The following DMXL1 variants were observed in gnomAD, a reference collection of about 807,000 sequenced individuals.
DMXL1 encodes the protein Dmx like 1, also known as dmX-like protein 1.
DMXL1 carries 99 observed loss-of-function variants against 319.2 expected under a neutral mutation model. The ratio of observed to expected loss-of-function variants is 0.31; its 90% CI spans 0.26 to 0.37. The LOEUF (loss-of-function observed/expected upper bound fraction) is 0.37, where lower values mean the gene tolerates loss of function less well. Ranked by LOEUF, DMXL1 falls within the 10% of genes least tolerant of loss-of-function variation. The pLI, the probability that DMXL1 is intolerant of heterozygous loss-of-function variation, is 1.00. For synonymous variants in DMXL1, 1,385 were observed against 1,235.2 expected (o/e 1.12, Z -2.54); for missense variants, 3,745 against 3,595.6 (o/e 1.04, Z -1.06).
chr5:119,143,183 G>A (rs1767797319), intron 13 of DMXL1, among the ~76,000 whole-genome samples: 1 of 151,948 alleles, frequency 6.6e-6, no homozygotes, highest in African/African-American at 2.4e-5. Context: ...TGTGACATGA[G>A]TTTAGCACAC....
At chr5:119,095,457 CTT>C (rs1755722594) in intron 1 of DMXL1, among the ~76,000 whole-genome samples, 1 of 152,134 alleles carries the variant, frequency 6.6e-6, no homozygotes, top group South Asian at 2.1e-4. Context: ...TTAGTATAGA[CTT>C]GATGTGGGAA....
intron 29 of DMXL1, among the ~76,000 whole-genome samples, chr5:119,190,094 A>T (rs572119139): frequency 4.6e-5 from 7 of 152,320 alleles, no homozygotes; most frequent in African/African-American, 1.4e-4. Context: ...TTGGTAAATT[A>T]TGACATTTGC....
At chr5:119,118,017 C>G (rs1761219359) in intron 7 of DMXL1, among the ~76,000 whole-genome samples, 1 of 152,178 alleles carries the variant, frequency 6.6e-6, no homozygotes, top group Admixed American at 6.5e-5. Flanking sequence ...TTACTGAATT[C>G]CCTGATGGAA....
intron 10 of DMXL1, among the ~76,000 whole-genome samples, chr5:119,130,216 A>G (rs779572738): frequency 3.3e-5 from 5 of 152,178 alleles, no homozygotes; most frequent in African/African-American, 4.8e-5. Flanking sequence ...GTTAAGTTTG[A>G]TAAGTATCCT....
At chr5:119,137,539 C>A (rs116177954) in intron 13 of DMXL1, among the ~76,000 whole-genome samples, 61 of 152,196 alleles carry the variant, frequency 4.0e-4, no homozygotes, top group African/African-American at 1.3e-3. Context: ...AATCTCATTT[C>A]GAATTATAAT....
intron 13 of DMXL1, among the ~76,000 whole-genome samples, chr5:119,140,540 C>G (rs912945024): frequency 3.3e-5 from 5 of 152,088 alleles, no homozygotes; most frequent in South Asian, 2.1e-4. Context: ...ACATATACCC[C>G]CTCCTAAGAC....
intron 13 of DMXL1, among the ~76,000 whole-genome samples, chr5:119,135,053 A>G (rs560069268): frequency 2.6e-5 from 4 of 152,272 alleles, no homozygotes; most frequent in Non-Finnish European, 5.9e-5. Flanking sequence ...ACAGAGTTGC[A>G]TAAATGTCAG....
chr5:119,155,940 A>G (rs1404281860), intron 19 of DMXL1, among the ~76,000 whole-genome samples: 3 of 152,156 alleles, frequency 2.0e-5, no homozygotes, highest in African/African-American at 7.2e-5. Flanking sequence ...TGCAGTGAAC[A>G]TGGTTGAAAT....
intron 30 of DMXL1, 54 bp downstream of exon 30, chr5:119,194,024 A>C: frequency 3.2e-6 from 4 of 1,261,480 alleles, no homozygotes; most frequent in Non-Finnish European, 4.2e-6. Context: ...GTATATAAAT[A>C]ATATTTTTGA....
chr5:119,116,432 A>G (rs1464737162), intron 7 of DMXL1, 96 bp downstream of exon 7: 1 of 1,306,674 alleles, frequency 7.7e-7, no homozygotes, highest in African/African-American at 1.5e-5. Context: ...TAGTTACAGG[A>G]CTTCTGAGCC....
intron 9 of DMXL1, among the ~76,000 whole-genome samples, chr5:119,123,105 G>T (rs970568307): frequency 5.3e-5 from 8 of 152,206 alleles, no homozygotes; most frequent in East Asian, 1.9e-4. Flanking sequence ...GCTGGAGACC[G>T]GCCCGGCCAA....
At chr5:119,143,588 T>G (rs1767889560) in intron 13 of DMXL1, among the ~76,000 whole-genome samples, 1 of 152,060 alleles carries the variant, frequency 6.6e-6, no homozygotes, top group Non-Finnish European at 1.5e-5. Context: ...CATTTATGGA[T>G]GTAATTTTTT....
At chr5:119,178,423 A>G (rs1302559400) in intron 28 of DMXL1, among the ~76,000 whole-genome samples, 179 bp downstream of exon 28, 2 of 152,222 alleles carry the variant, frequency 1.3e-5, no homozygotes, top group East Asian at 3.8e-4. Flanking sequence ...GCAGTTTTTA[A>G]TCTTTAAGAT....
At chr5:119,077,658 G>A (rs1454728268) in intron 1 of DMXL1, among the ~76,000 whole-genome samples, 1 of 123,180 alleles carries the variant, frequency 8.1e-6, no homozygotes, top group African/African-American at 3.5e-5. Flanking sequence ...TTTTGTATAT[G>A]TGTGTGTGTA....
intron 35 of DMXL1, among the ~76,000 whole-genome samples, chr5:119,218,517 C>T (rs191627274): frequency 3.3e-5 from 5 of 152,042 alleles, no homozygotes; most frequent in African/African-American, 9.6e-5. Flanking sequence ...AGTGCAGTGG[C>T]GCGATCTTGG....
In DMXL1 at chr5:119,072,243, G is replaced by A. The variant is rs750853317; in HGVS notation, c.87+587G>A. On this transcript the variant is annotated intron_variant, in intron 1 of 43. Coordinates refer to ENST00000539542, the MANE Select transcript of DMXL1 (RefSeq NM_001290321.3). ...TTCTTGGATATTTTACAATAACCTG[G>A]TAATCCCAGGTTAAGGTTGCTTAAC... is the stretch of plus-strand genomic sequence containing the variant. 2.0e-5 allele frequency among the ~76,000 whole-genome samples: 3 copies of A among 151,944 alleles called. 1 individual carries two copies. In the South Asian group the frequency reaches 6.2e-4, roughly 32 times the overall value.
In DMXL1 at chr5:119,144,396, C is replaced by G. The variant is rs560544623; in HGVS notation, c.2467-140C>G. On this transcript the variant is annotated intron_variant, in intron 14 of 43. Transcript: ENST00000539542. ...TCATCTGTTTAATCTAATGGAGGTG[C>G]CATACGCTTACGTTCTGCTGAACTT... 2.8e-5 allele frequency: 17 copies of G among 613,064 alleles called. No homozygotes were observed. The South Asian group carries it at 3.8e-4, about 14-fold the overall frequency. 38.0% of individuals were successfully genotyped at this position (613,064 alleles called of 1,614,324 possible).
chr5:119,136,854 C>T (rs74790147), intron 13 of DMXL1, among the ~76,000 whole-genome samples: 17 of 152,334 alleles, frequency 1.1e-4, no homozygotes, highest in East Asian at 5.8e-4. Context: ...CAGAGGTCTG[C>T]GGCAGGGGCG....
intron 34 of DMXL1, among the ~76,000 whole-genome samples, chr5:119,208,593 A>T (rs35366387): frequency 6.6e-6 from 1 of 152,152 alleles, no homozygotes; most frequent in Non-Finnish European, 1.5e-5. Context: ...TTGTATTTCT[A>T]TAGTCAGCTT....
Sources: allele counts gnomAD v4.1 joint callset (sites outside exome capture counted in the v4.1 genomes callset), GRCh38; gene constraint gnomAD v4.1.1; transcripts MANE v1.5; gene names NCBI Gene and HGNC (gene_info 2026-07-23, HGNC 2026-07-21).